Variants in INTS7 observed in about 807,000 individuals in gnomAD.
INTS7 encodes the protein chromosome 1 open reading frame 73.
Under a neutral mutation model 109.2 loss-of-function variants are expected in INTS7, and 46 were observed. That is an observed-to-expected ratio of 0.42 (90% CI 0.33 to 0.54). The LOEUF (loss-of-function observed/expected upper bound fraction) is 0.54, where lower values mean the gene tolerates loss of function less well. INTS7 is among the 20% of genes least tolerant of loss of function. The pLI, the probability that INTS7 is intolerant of heterozygous loss-of-function variation, is 0.07. For missense variants in INTS7, 929 were observed against 1,132.4 expected (o/e 0.82, Z 2.58); for synonymous variants, 412 against 402.9 (o/e 1.02, Z -0.27).
chr1:212,027,429 G>A (rs1002978509), intron 1 of INTS7, among the ~76,000 whole-genome samples: 1 of 151,956 alleles, frequency 6.6e-6, no homozygotes, highest in African/African-American at 2.4e-5. Flanking sequence ...AAGAAGGAGG[G>A]ATGTGATTGC....
In INTS7 at chr1:212,021,125, A is replaced by G. The variant is rs1382882515; in HGVS notation, c.182T>C (p.Ile61Thr). ...LFQKYPFPIL[I>T]NSAFLKLADV... Reference sequence around the variant, plus strand: ...AGCTAACTTTAGGAATGCAGAATTGATAAGAATAGGGAATGGATACTTCTG... The same window carrying G: ...AGCTAACTTTAGGAATGCAGAATTGGTAAGAATAGGGAATGGATACTTCTG... Residue 61 changes from isoleucine to threonine, a missense_variant, in exon 2 of 20, where the codon ATC becomes ACC. By Grantham distance (89) the Ile-to-Thr change is moderately conservative. Transcript: ENST00000366994. 5 of 1,612,088 alleles carry G rather than the reference A, an allele frequency of 3.1e-6. No individual in the cohort carries two copies. Among genetic ancestry groups the G allele is most frequent in the Non-Finnish European group, 4.2e-6 (5 of 1,178,814 alleles).
intron 11 of INTS7, among the ~76,000 whole-genome samples, chr1:211,977,835 A>G (rs946691720): frequency 6.6e-6 from 1 of 152,228 alleles, no homozygotes; most frequent in African/African-American, 2.4e-5. Flanking sequence ...AATGGAAAAC[A>G]TAAATTTGGG....
chr1:211,968,773 C>G, intron 13 of INTS7, 66 bp from the exon 14 acceptor site: 1 of 1,272,362 alleles, frequency 7.9e-7, no homozygotes, highest in Non-Finnish European at 1.1e-6. Context: ...GGGGCAGTAC[C>G]AAGTATTTAT....
rs2102398762 is a variant in INTS7 at position 211,959,326 on chromosome 1, TCCA to T, written c.2184-6628_2184-6626del. Among the ~76,000 whole-genome samples the T allele has an allele frequency of 6.6e-6, 1 of 152,248 alleles. No individual in the cohort carries two copies. Among genetic ancestry groups the T allele is most frequent in the African/African-American group, 2.4e-5 (1 of 41,550 alleles). On this transcript the variant is annotated intron_variant, in intron 16 of 19. Coordinates refer to ENST00000366994, the MANE Select transcript of INTS7 (RefSeq NM_015434.4). This position sits in a 1 kb window ranked among gnomAD's most constrained non-coding sequence, Gnocchi z 4.2. ...AGTCTTGACGATCAGATGGGGCCAGTCCATCTGGCCTCTCCTGGGGCCCCAACC... is the reference window on the plus strand; with the variant it reads ...AGTCTTGACGATCAGATGGGGCCAGTTCTGGCCTCTCCTGGGGCCCCAACC...
chr1:211,956,444 G>A (rs1258320072), intron 16 of INTS7, among the ~76,000 whole-genome samples: 1 of 151,804 alleles, frequency 6.6e-6, no homozygotes, highest in Non-Finnish European at 1.5e-5. Context: ...ATATATTGTT[G>A]GACTGAACTT....
intron 19 of INTS7, 82 bp downstream of exon 19, chr1:211,944,695 ATCTATTT>A: frequency 9.3e-7 from 1 of 1,075,408 alleles, no homozygotes; most frequent in Non-Finnish European, 1.4e-6. Flanking sequence ...TATAACTGCA[ATCTATTT>A]AACCATGAAA....
chr1:212,015,170 G>A (rs1666364550), intron 4 of INTS7, among the ~76,000 whole-genome samples: 1 of 151,160 alleles, frequency 6.6e-6, no homozygotes, highest in Admixed American at 6.6e-5. Context: ...GGGAAGTGAG[G>A]AGCCCCTCTG....
At chr1:211,976,760 T>C (rs1248389728) in intron 11 of INTS7, 41 bp from the exon 12 acceptor site, 30 of 1,604,838 alleles carry the variant, frequency 1.9e-5, no homozygotes, top group Non-Finnish European at 6.0e-6. Context: ...ATCATTTAAT[T>C]TTATTCAGTG....
intron 1 of INTS7, among the ~76,000 whole-genome samples, chr1:212,030,540 C>A (rs774531949): frequency 6.6e-6 from 1 of 152,124 alleles, no homozygotes; most frequent in Non-Finnish European, 1.5e-5. Context: ...CCGCCCGCCT[C>A]GGCCTCCCAA....
Position 211,981,121 on chromosome 1 carries a change from T to C in INTS7, c.1202A>G (p.Asp401Gly), listed in dbSNP as rs759141705. 12 of 1,613,114 alleles carry C rather than the reference T, an allele frequency of 7.4e-6. No homozygotes were observed. The East Asian group carries it at 1.1e-4, about 15-fold the overall frequency. ...TAAAGTGGCCTGAGCACCTGGACTATCATCTTGACTACAAAGTACCAGTAG... is the reference window on the plus strand; with the variant it reads ...TAAAGTGGCCTGAGCACCTGGACTACCATCTTGACTACAAAGTACCAGTAG... ...ESLLVLCSQDDSPGAQATLKI... is the reference protein window; with the variant it reads ...ESLLVLCSQDGSPGAQATLKI... Residue 401 changes from aspartate to glycine, a missense_variant, in exon 10 of 20, where the codon GAT becomes GGT. By Grantham distance (94) the Asp-to-Gly change is moderately conservative. Coordinates refer to ENST00000366994, the MANE Select transcript of INTS7 (RefSeq NM_015434.4).
rs1490359563 is a variant in INTS7 at position 211,987,949 on chromosome 1, A to G, written c.934T>C (p.Leu312=). The change falls in exon 8 of 20, where the codon TTG becomes CTG. Residue 312 remains leucine, a synonymous_variant. Transcript: ENST00000366994. ...CCTGATAGTGTGGAAAGGACAGACA[A>G]CATCCCTAGTTTTAAGCTGTCATAA... ...TPYDSLKLGM[L]SVLSTLSGTI... 1 of 1,613,194 alleles carries G rather than the reference A, an allele frequency of 6.2e-7. No homozygotes were observed. Among genetic ancestry groups the G allele is most frequent in the South Asian group, 1.1e-5 (1 of 91,038 alleles).
chr1:211,991,761 A>G (rs563350728), intron 7 of INTS7, among the ~76,000 whole-genome samples: 5 of 152,362 alleles, frequency 3.3e-5, no homozygotes, highest in Admixed American at 2.6e-4. Context: ...AAAGGCCATA[A>G]GAATGACAGA....
Position 211,946,780 on chromosome 1 carries a change from A to G in INTS7, c.2317-75T>C. ...ATCAACAAGTGGTACATTCAGTATA[A>G]AACTACAAATGCCCATATAGATTAT... On this transcript the variant is annotated intron_variant, in intron 17 of 19. Transcript: ENST00000366994. The surrounding 1 kb of genome is among the most constrained non-coding windows in gnomAD (Gnocchi z 4.3). 1.0e-6 allele frequency: 1 copy of G among 968,414 alleles called. No individual in the cohort carries two copies. Among genetic ancestry groups the G allele is most frequent in the Non-Finnish European group, 1.6e-6 (1 of 630,078 alleles). 60.0% of individuals were successfully genotyped at this position (968,414 alleles called of 1,614,324 possible).
rs746714793 is a variant in INTS7 at position 211,942,132 on chromosome 1, AC to A, written c.2602-22del. Reference sequence around the variant, plus strand: ...GGTATCTGCAATGAAACAATTGTTAACTAACAACAATGGCTAACATTTCTTC... The same window carrying A: ...GGTATCTGCAATGAAACAATTGTTAATAACAACAATGGCTAACATTTCTTC... On this transcript the variant is annotated intron_variant, in intron 19 of 19. Coordinates refer to ENST00000366994, the MANE Select transcript of INTS7 (RefSeq NM_015434.4). This position sits in a 1 kb window ranked among gnomAD's most constrained non-coding sequence, Gnocchi z 4.2. 5 of 1,607,604 alleles carry A rather than the reference AC, an allele frequency of 3.1e-6. No homozygotes were observed. The highest frequency in any genetic ancestry group is 1.7e-5 in the Admixed American group (1 of 59,752).
chr1:211,980,027 A>T (rs1664587762), intron 10 of INTS7, among the ~76,000 whole-genome samples: 1 of 152,128 alleles, frequency 6.6e-6, no homozygotes. Context: ...CCATCTATGT[A>T]TGTCCCACTG....
At chr1:212,034,176 A>G (rs1210893188) in intron 1 of INTS7, among the ~76,000 whole-genome samples, 2 of 152,154 alleles carry the variant, frequency 1.3e-5, no homozygotes, top group Admixed American at 1.3e-4. Context: ...AAAGTTCAAC[A>G]TAATTTTCTT....
At chr1:211,979,508 A>AT (rs1412565670) in intron 10 of INTS7, among the ~76,000 whole-genome samples, 1 of 152,240 alleles carries the variant, frequency 6.6e-6, no homozygotes, top group Non-Finnish European at 1.5e-5. Flanking sequence ...GTCTTCAACA[A>AT]AGATTGGCAC....
intron 7 of INTS7, among the ~76,000 whole-genome samples, chr1:211,993,622 G>C (rs1665237838): frequency 6.7e-6 from 1 of 149,382 alleles, no homozygotes; most frequent in Admixed American, 6.7e-5. Flanking sequence ...AGAGGTTGCA[G>C]TGAGCTGAGA....
chr1:211,962,529 TG>T (rs1663683763), intron 16 of INTS7, among the ~76,000 whole-genome samples: 1 of 152,168 alleles, frequency 6.6e-6, no homozygotes, highest in African/African-American at 2.4e-5. Flanking sequence ...CAAATGGACC[TG>T]ATAGACATCT....
Sources: allele counts gnomAD v4.1 joint callset (sites outside exome capture counted in the v4.1 genomes callset), GRCh38; gene constraint gnomAD v4.1.1; non-coding constraint Gnocchi (gnomAD v3.1); transcripts MANE v1.5; gene names NCBI Gene and HGNC (gene_info 2026-07-23, HGNC 2026-07-21).